Variants in TUBGCP3 observed in about 807,000 individuals in gnomAD.
TUBGCP3 encodes gamma-tubulin complex component 3.
TUBGCP3 carries 50 observed loss-of-function variants against 123.1 expected under a neutral mutation model. The observed-to-expected ratio is 0.41, with a 90% CI of 0.32 to 0.51. TUBGCP3 has a LOEUF of 0.51. Among genes scored for constraint, TUBGCP3 ranks in the 20% least tolerant of loss-of-function variants. The pLI, the probability that TUBGCP3 is intolerant of heterozygous loss-of-function variation, is 0.36. For synonymous variants in TUBGCP3, 405 were observed against 413.9 expected, an observed-to-expected ratio of 0.98 and a Z score of 0.26; for missense variants, 882 against 1,127.0, an observed-to-expected ratio of 0.78 and a Z score of 3.11.
At chr13:112,528,370 C>T (rs1013492912) in intron 11 of TUBGCP3, among the ~76,000 whole-genome samples, 1 of 152,222 alleles carries the variant, frequency 6.6e-6, no homozygotes, top group African/African-American at 2.4e-5. Context: ...GACGCTCCCA[C>T]GGGCAAGATG....
chr13:112,599,392 G>A, the TUBGCP3 span, among the ~76,000 whole-genome samples: 1 of 152,138 alleles, frequency 6.6e-6, no homozygotes, highest in African/African-American at 2.4e-5. Flanking sequence ...GACTGAGAGA[G>A]TTGTCTATTC....
intron 11 of TUBGCP3, among the ~76,000 whole-genome samples, chr13:112,534,362 C>T (rs1282320103): frequency 2.0e-5 from 3 of 152,036 alleles, no homozygotes; most frequent in East Asian, 1.9e-4. Flanking sequence ...CTGGCTAACA[C>T]GGTGAAACCC....
chr13:112,522,209 G>C, intron 14 of TUBGCP3, 111 bp downstream of exon 14: 1 of 999,954 alleles, frequency 1.0e-6, no homozygotes, highest in Non-Finnish European at 1.4e-6. Context: ...TAAAAAGTAT[G>C]CTCGAAGAAT....
intron 13 of TUBGCP3, among the ~76,000 whole-genome samples, chr13:112,523,294 G>A (rs534768305): frequency 2.6e-5 from 4 of 152,212 alleles, no homozygotes; most frequent in Non-Finnish European, 5.9e-5. Context: ...CAAGAAAGGC[G>A]AGATCTTCTG....
intron 11 of TUBGCP3, among the ~76,000 whole-genome samples, chr13:112,536,721 G>A (rs1386901825): frequency 6.6e-6 from 1 of 152,216 alleles, no homozygotes; most frequent in Non-Finnish European, 1.5e-5. Context: ...TTATTATAAA[G>A]TATGTGTGGA....
chr13:112,559,286 C>T (rs767776134), intron 4 of TUBGCP3, 36 bp downstream of exon 4: 6 of 1,573,178 alleles, frequency 3.8e-6, no homozygotes, highest in South Asian at 1.2e-5. Context: ...CAGGGTGTCC[C>T]GACGGACACG....
chr13:112,604,656 ATG>A, the TUBGCP3 span: 2 of 152,218 alleles, frequency 1.3e-5, no homozygotes, highest in East Asian at 1.9e-4. Context: ...AAGATAATAA[ATG>A]TGCATTGAAA....
chr13:112,548,636 CA>C (rs1191687930), intron 8 of TUBGCP3, among the ~76,000 whole-genome samples: 2 of 152,096 alleles, frequency 1.3e-5, no homozygotes, highest in African/African-American at 4.8e-5. Flanking sequence ...AACAAATTTA[CA>C]AGAAAAAATC....
chr13:112,493,717 C>G (rs1434309201), intron 20 of TUBGCP3, among the ~76,000 whole-genome samples: 1 of 148,952 alleles, frequency 6.7e-6, no homozygotes, highest in African/African-American at 2.5e-5. Context: ...CCTGGTGTCC[C>G]TGAGACACTC....
intron 11 of TUBGCP3, among the ~76,000 whole-genome samples, chr13:112,541,541 C>CAAAAAAAAAAAAAAAAAAAACAAAA (rs57599177): frequency 9.7e-6 from 1 of 102,804 alleles, no homozygotes; most frequent in African/African-American, 3.1e-5. Flanking sequence ...GACTCCGTCT[C>CAAAAAAAAAAAAAAAAAAAACAAAA]AAAAAAAAAA....
chr13:112,489,681 G>T lies in TUBGCP3; in HGVS notation c.2465C>A (p.Thr822Lys). The part of the protein sequence containing the change: ...QREIEGQWGV[T>K]AAEEEEENKR... ...ATTTTCCTCCTCTTCCTCTGCTGCCGTCACTCCCCACTGGCCCTGAACAAT... is the reference window on the plus strand; with the variant it reads ...ATTTTCCTCCTCTTCCTCTGCTGCCTTCACTCCCCACTGGCCCTGAACAAT... The change falls in exon 21 of 22, where the codon ACG becomes AAG. Residue 822 changes from threonine to lysine, a missense_variant. Thr to Lys is a moderately conservative substitution (Grantham distance 78). Around this residue, in one of 3 missense-constraint regions of TUBGCP3, gnomAD observed 160 missense variants for 220.3 expected, o/e 0.73. Transcript: ENST00000261965. 1.9e-6 allele frequency: 3 copies of T among 1,613,900 alleles called. No individual in the cohort carries two copies. The highest frequency in any genetic ancestry group is 1.1e-5 in the South Asian group (1 of 91,084).
chr13:112,541,240 CT>C (rs1338532950), intron 11 of TUBGCP3, among the ~76,000 whole-genome samples: 1 of 152,146 alleles, frequency 6.6e-6, no homozygotes, highest in Non-Finnish European at 1.5e-5. Context: ...TTAAGGACTC[CT>C]TTAAAAACAC....
chr13:112,542,909 A>C (rs1217791186), intron 11 of TUBGCP3, among the ~76,000 whole-genome samples: 2 of 152,192 alleles, frequency 1.3e-5, no homozygotes, highest in Non-Finnish European at 2.9e-5. Context: ...GCACTTTGAG[A>C]GGCCAAGGTG....
At chr13:112,504,598 TA>T in intron 18 of TUBGCP3, 27 bp downstream of exon 18, 1 of 1,590,462 alleles carries the variant, frequency 6.3e-7, no homozygotes, top group Non-Finnish European at 8.6e-7. Context: ...TTATTTAAAC[TA>T]AAATCAACAC....
At chr13:112,528,703 A>AT (rs1355168136) in intron 11 of TUBGCP3, among the ~76,000 whole-genome samples, 5 of 151,964 alleles carry the variant, frequency 3.3e-5, no homozygotes, top group Non-Finnish European at 7.4e-5. Context: ...GTTCTGATCT[A>AT]TTTTTTTGTT....
rs1284727804 is a variant in TUBGCP3 at position 112,508,718 on chromosome 13, C to T, written c.2087-4004G>A. Among the ~76,000 whole-genome samples the T allele has an allele frequency of 2.6e-5, 4 of 151,280 alleles. No homozygotes were observed. The highest frequency in any genetic ancestry group is 5.9e-5 in the Non-Finnish European group (4 of 68,004). ...TAGCGTATTTGAATGGAATCACTATCCCCCCCAAAGAAGCTCTTCCTCCAG... is the reference window on the plus strand; with the variant it reads ...TAGCGTATTTGAATGGAATCACTATTCCCCCCAAAGAAGCTCTTCCTCCAG... On this transcript the variant is annotated intron_variant, in intron 17 of 21. Transcript: ENST00000261965. This position sits in a 1 kb window ranked among gnomAD's most constrained non-coding sequence, Gnocchi z 4.2.
chr13:112,497,460 G>T (rs1287648080), intron 20 of TUBGCP3, among the ~76,000 whole-genome samples: 3 of 152,208 alleles, frequency 2.0e-5, no homozygotes, highest in Non-Finnish European at 4.4e-5. Flanking sequence ...GACTCTCTAA[G>T]CTACATATGG....
At chr13:112,571,825 T>C (rs1197041819) in intron 1 of TUBGCP3, among the ~76,000 whole-genome samples, 11 of 152,252 alleles carry the variant, frequency 7.2e-5, no homozygotes, top group Admixed American at 7.2e-4. Context: ...TGCTTCACCT[T>C]GCATTTTTAT....
intron 20 of TUBGCP3, 170 bp from the exon 21 acceptor site, chr13:112,489,867 C>T (rs1217261436): frequency 1.5e-5 from 9 of 587,144 alleles, no homozygotes; most frequent in Non-Finnish European, 2.7e-5. Context: ...CTCCAGCTTA[C>T]TTTTTCCAGT....
Sources: allele counts gnomAD v4.1 joint callset (sites outside exome capture counted in the v4.1 genomes callset), GRCh38; gene constraint gnomAD v4.1.1; regional missense constraint gnomAD v4.1.1; non-coding constraint Gnocchi (gnomAD v3.1); transcripts MANE v1.5; gene names NCBI Gene and HGNC (gene_info 2026-07-23, HGNC 2026-07-21).